Variants in LIMA1 observed in about 807,000 individuals in gnomAD.
LIMA1 encodes the protein LIM domain and actin-binding protein 1.
Under a neutral mutation model 62.6 loss-of-function variants are expected in LIMA1, and 52 were observed. That is an observed-to-expected ratio of 0.83 (90% CI 0.67 to 1.05). The LOEUF (loss-of-function observed/expected upper bound fraction) is 1.05, where lower values mean the gene tolerates loss of function less well. Ranked by LOEUF, LIMA1 falls within the 50% of genes least tolerant of loss-of-function variation. LIMA1 has a pLI of 0.00. For missense variants in LIMA1, 780 were observed against 902.2 expected (o/e 0.86, Z 1.74); for synonymous variants, 302 against 317.8 (o/e 0.95, Z 0.53).
chr12:50,271,686 G>C (rs1942213846), intron 1 of LIMA1, among the ~76,000 whole-genome samples: 1 of 152,150 alleles, frequency 6.6e-6, no homozygotes, highest in South Asian at 2.1e-4. Flanking sequence ...TCACGACAAA[G>C]CACAGACTTC....
chr12:50,227,242 T>C (rs544699773), intron 3 of LIMA1, among the ~76,000 whole-genome samples: 1,287 of 83,102 alleles, frequency 0.015, 19 homozygotes, highest in African/African-American at 0.05. Context: ...CTTTTCTTTT[T>C]TTTTTTTTTT....
intron 4 of LIMA1, among the ~76,000 whole-genome samples, chr12:50,215,364 G>A (rs190975301): frequency 7.9e-5 from 12 of 152,290 alleles, no homozygotes; most frequent in African/African-American, 4.8e-5. Flanking sequence ...GGGAGTCTAC[G>A]GGGAGAGGTC....
intron 3 of LIMA1, among the ~76,000 whole-genome samples, chr12:50,228,021 G>A (rs926063865): frequency 5.9e-5 from 9 of 151,726 alleles, no homozygotes; most frequent in South Asian, 2.1e-4. Flanking sequence ...CACCGTGCCC[G>A]GCTAATTTTT....
At chr12:50,193,505 G>A (rs1331085949) in intron 8 of LIMA1, among the ~76,000 whole-genome samples, 2 of 126,680 alleles carry the variant, frequency 1.6e-5, no homozygotes, top group East Asian at 2.2e-4. Flanking sequence ...TATCATATAT[G>A]TGTATATATG....
At chr12:50,212,724 C>T (rs1022809092) in intron 4 of LIMA1, among the ~76,000 whole-genome samples, 1 of 152,114 alleles carries the variant, frequency 6.6e-6, no homozygotes, top group Non-Finnish European at 1.5e-5. Flanking sequence ...GTGTTATAAT[C>T]TTGAGAACAA....
At chr12:50,181,563 G>A (rs1223561561) in intron 10 of LIMA1, among the ~76,000 whole-genome samples, 1 of 152,030 alleles carries the variant, frequency 6.6e-6, no homozygotes, top group Non-Finnish European at 1.5e-5. Context: ...GACAAGTAAG[G>A]GCTTAAACAA....
At chr12:50,187,527 T>C (rs1260294153) in intron 9 of LIMA1, 1 of 152,070 alleles carries the variant, frequency 6.6e-6, no homozygotes, top group African/African-American at 2.4e-5. Flanking sequence ...TATTCATATC[T>C]TAAATAGAGT....
At chr12:50,258,614 T>C (rs1389568876) in intron 1 of LIMA1, among the ~76,000 whole-genome samples, 2 of 150,558 alleles carry the variant, frequency 1.3e-5, no homozygotes, top group East Asian at 3.9e-4. Flanking sequence ...ACACATTTCT[T>C]TATTTAGCTC....
intron 4 of LIMA1, among the ~76,000 whole-genome samples, chr12:50,213,874 G>C (rs550357525): frequency 6.6e-6 from 1 of 152,170 alleles, no homozygotes; most frequent in African/African-American, 2.4e-5. Flanking sequence ...TTAAAAACCA[G>C]TACATAGTTA....
intron 1 of LIMA1, among the ~76,000 whole-genome samples, chr12:50,254,766 T>C (rs960924800): frequency 5.9e-5 from 9 of 152,166 alleles, no homozygotes; most frequent in African/African-American, 2.2e-4. Flanking sequence ...GAAACCAGGC[T>C]TGGACAAAAA....
intron 3 of LIMA1, chr12:50,224,574 C>T (rs559351922): frequency 6.6e-6 from 1 of 152,318 alleles, no homozygotes; most frequent in African/African-American, 2.4e-5. Flanking sequence ...TGTAACCACA[C>T]AGGAGCCCTG....
chr12:50,226,020 CTTCT>C (rs1234393260), intron 3 of LIMA1, among the ~76,000 whole-genome samples: 1 of 151,908 alleles, frequency 6.6e-6, no homozygotes, highest in Admixed American at 6.6e-5. Context: ...TACACTGTTA[CTTCT>C]TTGTTATCTA....
chr12:50,206,264 T>C (rs1941151444), intron 4 of LIMA1, among the ~76,000 whole-genome samples, 196 bp from the exon 5 acceptor site: 1 of 152,178 alleles, frequency 6.6e-6, no homozygotes. Flanking sequence ...TAACCCTATA[T>C]AGGTAATATT....
At chr12:50,268,328 C>T (rs1942164301) in intron 1 of LIMA1, among the ~76,000 whole-genome samples, 1 of 152,152 alleles carries the variant, frequency 6.6e-6, no homozygotes. Flanking sequence ...CAGTCTAGTG[C>T]TTTCAGATAA....
At chr12:50,180,671 G>C (rs940172938) in intron 10 of LIMA1, among the ~76,000 whole-genome samples, 5 of 152,188 alleles carry the variant, frequency 3.3e-5, no homozygotes, top group Non-Finnish European at 7.4e-5. Flanking sequence ...CCTAATGTCA[G>C]TCCTAGACAA....
At chr12:50,193,648 G>GTATATATATA (rs1228141349) in intron 8 of LIMA1, among the ~76,000 whole-genome samples, 2 of 55,512 alleles carry the variant, frequency 3.6e-5, no homozygotes, top group Admixed American at 1.8e-4. Context: ...GTGTGTGTGT[G>GTATATATATA]TGTATATATA....
chr12:50,248,339 A>C (rs1941879511), intron 2 of LIMA1, among the ~76,000 whole-genome samples: 1 of 152,066 alleles, frequency 6.6e-6, no homozygotes, highest in Non-Finnish European at 1.5e-5. Context: ...ACTCCTATTC[A>C]TTTTAGACTT....
At chr12:50,192,064 G>C (rs1478806158) in intron 9 of LIMA1, among the ~76,000 whole-genome samples, 1 of 149,068 alleles carries the variant, frequency 6.7e-6, no homozygotes, top group East Asian at 2.0e-4. Context: ...GAACATGGGG[G>C]GGCGGAGGTT....
intron 2 of LIMA1, among the ~76,000 whole-genome samples, chr12:50,240,060 A>AC (rs1432867613): frequency 0.032 from 4,482 of 141,578 alleles, 232 homozygotes; most frequent in African/African-American, 0.13. Flanking sequence ...ACATAACATA[A>AC]AATAAAAAAT....
Sources: allele counts gnomAD v4.1 joint callset (sites outside exome capture counted in the v4.1 genomes callset), GRCh38; gene constraint gnomAD v4.1.1; transcripts MANE v1.5; gene names NCBI Gene and HGNC (gene_info 2026-07-23, HGNC 2026-07-21).